RBMS3: variants seen among roughly 807,000 people sequenced by gnomAD.
The protein encoded by RBMS3 is RNA binding motif single stranded interacting protein 3.
Under a neutral mutation model 66.8 loss-of-function variants are expected in RBMS3, and 27 were observed. The ratio of observed to expected loss-of-function variants is 0.40; its 90% CI spans 0.30 to 0.56. The LOEUF is 0.56. Among genes scored for constraint, RBMS3 ranks in the 20% least tolerant of loss-of-function variants. RBMS3 has a pLI of 0.40. For synonymous variants in RBMS3, 188 were observed against 183.0 expected (o/e 1.03, Z -0.22); for missense variants, 513 against 549.5 (o/e 0.93, Z 0.66).
chr3:29,897,524 A>G (rs1304251353), intron 9 of RBMS3, 49 bp downstream of exon 9: 1 of 1,547,674 alleles, frequency 6.5e-7, no homozygotes, highest in Non-Finnish European at 8.9e-7. Flanking sequence ...TTGCAGTAAT[A>G]CAGTATTTAG....
At chr3:29,991,479 A>T in intron 14 of RBMS3, 2 of 426,664 alleles carry the variant, frequency 4.7e-6, no homozygotes, top group Non-Finnish European at 8.5e-6. Context: ...TGGATGTGTG[A>T]TGGAAGTGAC....
chr3:29,690,785 A>G (rs2051969138), intron 4 of RBMS3, among the ~76,000 whole-genome samples: 1 of 152,156 alleles, frequency 6.6e-6, no homozygotes, highest in African/African-American at 2.4e-5. Flanking sequence ...ATAAACTCCT[A>G]CTTTTACTTT....
intron 3 of RBMS3, among the ~76,000 whole-genome samples, chr3:29,568,990 T>C (rs2046840973): frequency 6.6e-6 from 1 of 152,132 alleles, no homozygotes; most frequent in African/African-American, 2.4e-5. Flanking sequence ...GGGGATCTTG[T>C]CAAAATGTAC....
At chr3:29,495,196 C>T (rs1181792382) in intron 3 of RBMS3, among the ~76,000 whole-genome samples, 6 of 148,880 alleles carry the variant, frequency 4.0e-5, no homozygotes, top group Admixed American at 2.7e-4. Flanking sequence ...ATTTAGAGCC[C>T]ATCTAGATTG....
intron 2 of RBMS3, 86 bp from the exon 3 acceptor site, chr3:29,488,355 G>A (rs3773020): frequency 0.043 from 49,467 of 1,140,138 alleles, 2,022 homozygotes; most frequent in African/African-American, 0.16. Context: ...ATGCTCAGTT[G>A]TGTGTGCCCC....
chr3:29,640,080 T>C (rs2049638929), intron 4 of RBMS3, among the ~76,000 whole-genome samples: 1 of 151,878 alleles, frequency 6.6e-6, no homozygotes, highest in Non-Finnish European at 1.5e-5. Flanking sequence ...CACTATATTC[T>C]ACCTACAGGT....
At chr3:29,743,655 A>C (rs181714771) in intron 5 of RBMS3, among the ~76,000 whole-genome samples, 6 of 151,984 alleles carry the variant, frequency 3.9e-5, no homozygotes, top group African/African-American at 1.5e-4. Flanking sequence ...TGATCTGTTA[A>C]AACTCTGATT....
intron 6 of RBMS3, among the ~76,000 whole-genome samples, chr3:29,863,859 T>G (rs963354702): frequency 1.3e-5 from 2 of 152,222 alleles, no homozygotes; most frequent in Non-Finnish European, 2.9e-5. Flanking sequence ...AAGGGATACC[T>G]CTGCTAAATG....
chr3:29,407,014 C>T (rs1010534410), intron 1 of RBMS3, among the ~76,000 whole-genome samples: 7 of 152,138 alleles, frequency 4.6e-5, no homozygotes, highest in Non-Finnish European at 7.4e-5. Flanking sequence ...AACTTAGATG[C>T]ATGCTGATCT....
At chr3:29,627,257 GTC>G (rs10632731) in intron 4 of RBMS3, among the ~76,000 whole-genome samples, 15 of 149,342 alleles carry the variant, frequency 1.0e-4, no homozygotes, top group Non-Finnish European at 1.2e-4. Flanking sequence ...GAGTATCTCT[GTC>G]TCTCTCTCTC....
At chr3:29,343,920 A>G (rs1270856411) in intron 1 of RBMS3, among the ~76,000 whole-genome samples, 1 of 152,194 alleles carries the variant, frequency 6.6e-6, no homozygotes, top group Non-Finnish European at 1.5e-5. Flanking sequence ...CTTCACTACA[A>G]TAATGGACTG....
intron 2 of RBMS3, among the ~76,000 whole-genome samples, chr3:29,471,718 GTTTTTTTT>G (rs397793236): frequency 5.6e-5 from 4 of 71,170 alleles, no homozygotes; most frequent in African/African-American, 2.3e-4. Flanking sequence ...TGAGGACTTA[GTTTTTTTT>G]TTTTTTTTTT....
chr3:29,990,460 C>CAAAAAAAAAAAAAAAAA (rs10596526), intron 13 of RBMS3, among the ~76,000 whole-genome samples: 6 of 106,514 alleles, frequency 5.6e-5, no homozygotes, highest in Non-Finnish European at 5.8e-5. Flanking sequence ...CTGTGAGAAA[C>CAAAAAAAAAAAAAAAAA]AAAAAAAAAA....
intron 6 of RBMS3, among the ~76,000 whole-genome samples, chr3:29,763,402 G>A (rs138894927): frequency 4.9e-4 from 74 of 152,164 alleles, no homozygotes; most frequent in African/African-American, 1.6e-3. Flanking sequence ...GACAAGAAAA[G>A]CACAGAAACT....
intron 5 of RBMS3, among the ~76,000 whole-genome samples, chr3:29,741,364 C>A (rs2054636353): frequency 6.6e-6 from 1 of 152,202 alleles, no homozygotes; most frequent in Non-Finnish European, 1.5e-5. Context: ...GAGCTTATGA[C>A]ACTACTTGGA....
intron 7 of RBMS3, among the ~76,000 whole-genome samples, chr3:29,878,787 A>T (rs142333146): frequency 1.2e-3 from 190 of 152,308 alleles, no homozygotes; most frequent in African/African-American, 4.4e-3. Flanking sequence ...CATGCCTGTA[A>T]TTCCAGTGCT....
rs1460981706 is a variant in RBMS3 at position 29,739,806 on chromosome 3, C to T, written c.486C>T (p.Pro162=). The T allele has an allele frequency of 3.1e-6, 5 of 1,613,300 alleles. No individual in the cohort carries two copies. The African/African-American group carries it at 6.7e-5, about 22-fold the overall frequency. The change falls in exon 5 of 15, where the codon CCC becomes CCT. Residue 162 remains proline (P), a synonymous_variant. Transcript: ENST00000383767. ...AGGAGCTTGAGAATATGCTGAAACC[C>T]TTTGGACATGTCATTTCCACAAGAA... is the stretch of plus-strand genomic sequence containing the variant. The part of the protein sequence containing the change: ...DEQELENMLK[P]FGHVISTRIL...
rs9853611 is a variant in RBMS3 at position 29,584,969 on chromosome 3, A to G, written c.308-2145A>G. Reference sequence around the variant, plus strand: ...AGTGAACAATCAAAAATTAAAATCTATATTATATGCTGTCATTTACTTTCA... The same window carrying G: ...AGTGAACAATCAAAAATTAAAATCTGTATTATATGCTGTCATTTACTTTCA... On this transcript the variant is annotated intron_variant, in intron 3 of 14. Transcript: ENST00000383767. Among the ~76,000 whole-genome samples the G allele has an allele frequency of 5.0e-3, 757 of 152,202 alleles. 2 individuals carry two copies. The highest frequency in any genetic ancestry group is 0.017 in the African/African-American group (709 of 41,536).
At chr3:29,857,089 C>T (rs912679987) in intron 6 of RBMS3, among the ~76,000 whole-genome samples, 2 of 152,216 alleles carry the variant, frequency 1.3e-5, no homozygotes, top group East Asian at 3.8e-4. Flanking sequence ...GCCTTGTTAA[C>T]TCATACCTGC....
Sources: allele counts gnomAD v4.1 joint callset (sites outside exome capture counted in the v4.1 genomes callset), GRCh38; gene constraint gnomAD v4.1.1; transcripts MANE v1.5; gene names NCBI Gene and HGNC (gene_info 2026-07-23, HGNC 2026-07-21).